Variants in ABR observed in about 807,000 individuals in gnomAD.
ABR encodes ABR activator of RhoGEF and GTPase.
In ABR, 35 loss-of-function variants were observed where a neutral mutation model predicts 107.2. That is an observed-to-expected ratio of 0.33 (90% CI 0.25 to 0.43). ABR has a LOEUF of 0.43. ABR is among the 20% of genes least tolerant of loss of function. The probability of loss-of-function intolerance (pLI) is 1.00; values close to 1 mark genes in which losing one functional copy is unlikely to be tolerated. For synonymous variants in ABR, 498 were observed against 462.0 expected (o/e 1.08, Z -1.00); for missense variants, 815 against 1,115.2 (o/e 0.73, Z 3.83).
intron 10 of ABR, among the ~76,000 whole-genome samples, chr17:1,066,129 T>G (rs1034214697): frequency 6.6e-6 from 1 of 152,188 alleles, no homozygotes; most frequent in Non-Finnish European, 1.5e-5. Context: ...TCCACCATCC[T>G]CAGCCTCCCA....
chr17:1,112,627 G>GGAA (rs2038744476), intron 2 of ABR, among the ~76,000 whole-genome samples: 1 of 152,008 alleles, frequency 6.6e-6, no homozygotes, highest in African/African-American at 2.4e-5. Context: ...AAGGAAGGAA[G>GGAA]GAAGAGAGGA....
upstream of ABR, among the ~76,000 whole-genome samples, chr17:1,188,804 C>T (rs2042370097): frequency 6.6e-6 from 1 of 152,110 alleles, no homozygotes; most frequent in Non-Finnish European, 1.5e-5. Flanking sequence ...CCTTCATAAA[C>T]GTAGGGGTGG....
At chr17:1,156,773 A>G (rs1598002566) in intron 1 of ABR, among the ~76,000 whole-genome samples, 2 of 152,158 alleles carry the variant, frequency 1.3e-5, no homozygotes, top group African/African-American at 4.8e-5. Flanking sequence ...TACTATCCCC[A>G]TTTCATAGAG....
In ABR at chr17:1,202,889, C is replaced by CTTTTT. The variant is rs11403936; in HGVS notation, c.838+25899_838+25903dup. Among the ~76,000 whole-genome samples, 80 of 145,242 alleles carry CTTTTT rather than the reference C, an allele frequency of 5.5e-4. 1 individual carries two copies. Among genetic ancestry groups the CTTTTT allele is most frequent in the Non-Finnish European group, 8.0e-4 (53 of 66,550 alleles). ...AAAGTAATTGCTGTTTTTGCCATTA[C>CTTTTT]TTTTTTTTTTTTTTTAAGATGGAGT... On this transcript the variant is annotated intron_variant, in intron 1 of 22. Transcript: ENST00000574139.
chr17:1,101,805 C>T (rs923935706), intron 2 of ABR, among the ~76,000 whole-genome samples: 14 of 151,416 alleles, frequency 9.2e-5, no homozygotes, highest in African/African-American at 3.2e-4. Flanking sequence ...GCGATCTCGG[C>T]TCACTGCAAG....
In ABR at chr17:1,029,816, G is replaced by A. The variant is rs61694093; in HGVS notation, c.1792-16652C>T. 6.7e-3 allele frequency among the ~76,000 whole-genome samples: 295 copies of A among 43,972 alleles called. 1 individual carries two copies. Among genetic ancestry groups the A allele is most frequent in the African/African-American group, 0.024 (284 of 11,952 alleles). The allele number at this position is 43,972 out of a possible 152,430, so 28.8% of individuals were successfully genotyped here. On this transcript the variant is annotated intron_variant, in intron 16 of 22. Coordinates refer to ENST00000302538, the MANE Select transcript of ABR (RefSeq NM_021962.5). Reference sequence around the variant, plus strand: ...CCTCCGTCCACCACAGCGCTGACCCGTGTCCACGACACGGACACACTGTGG... The same window carrying A: ...CCTCCGTCCACCACAGCGCTGACCCATGTCCACGACACGGACACACTGTGG...
intron 16 of ABR, among the ~76,000 whole-genome samples, chr17:1,030,064 T>C (rs972392552): frequency 2.0e-5 from 3 of 152,202 alleles, no homozygotes; most frequent in African/African-American, 7.2e-5. Flanking sequence ...AGCAGCTCAA[T>C]AGCCCGGCGT....
chr17:1,017,149 A>G (rs1436556155), intron 16 of ABR, among the ~76,000 whole-genome samples: 1 of 152,038 alleles, frequency 6.6e-6, no homozygotes, highest in African/African-American at 2.4e-5. Flanking sequence ...GCACCTCTTC[A>G]CACACGGGAA....
At position 1,013,923 on chromosome 17, in the gene ABR, C is replaced by T. The variant is rs908632327; in HGVS notation, c.1792-759G>A. 4.6e-5 allele frequency among the ~76,000 whole-genome samples: 7 copies of T among 152,336 alleles called. 1 individual carries two copies. The highest frequency in any genetic ancestry group is 3.9e-4 in the East Asian group (2 of 5,184). ...TCTGTAACTCGGGGGCCTTCGCGCC[C>T]GTCTGCCTGTGCACCTGCGAACTAA... On this transcript the variant is annotated intron_variant, in intron 16 of 22. Coordinates refer to ENST00000302538, the MANE Select transcript of ABR (RefSeq NM_021962.5).
At position 1,013,087 on chromosome 17, in the gene ABR, T is replaced by C; in HGVS notation, c.1851+18A>G. ...ACCTCCCGGCTCACGCCACTGATCA[T>C]TCCCATCCCCGGCTCACCCCGTTCA... On this transcript the variant is annotated intron_variant, in intron 17 of 22. Coordinates refer to ENST00000302538, the MANE Select transcript of ABR (RefSeq NM_021962.5). 6.2e-7 allele frequency: 1 copy of C among 1,613,656 alleles called. No individual in the cohort carries two copies. Among genetic ancestry groups the C allele is most frequent in the Non-Finnish European group, 8.5e-7 (1 of 1,179,678 alleles).
intron 1 of ABR, among the ~76,000 whole-genome samples, chr17:1,165,284 T>C (rs1331756439): frequency 6.6e-6 from 1 of 152,122 alleles, no homozygotes; most frequent in Non-Finnish European, 1.5e-5. Flanking sequence ...GGAGGAGCCA[T>C]TTTCTCCCGG....
intron 2 of ABR, among the ~76,000 whole-genome samples, chr17:1,109,889 C>T (rs2038560172): frequency 7.9e-6 from 1 of 126,890 alleles, no homozygotes; most frequent in Non-Finnish European, 1.7e-5. Context: ...CCCCCACTCA[C>T]GGACGCTACT....
chr17:1,145,099 G>C (rs1005080866), intron 1 of ABR, among the ~76,000 whole-genome samples: 2 of 152,286 alleles, frequency 1.3e-5, no homozygotes, highest in Admixed American at 1.3e-4. Context: ...GAGTTCGTTT[G>C]GGTTATCGGT....
intron 1 of ABR, among the ~76,000 whole-genome samples, chr17:1,144,093 A>G (rs1392350697): frequency 6.6e-6 from 1 of 152,066 alleles, no homozygotes; most frequent in African/African-American, 2.4e-5. Context: ...TACTCTTTGC[A>G]CCAAGGCCAT....
At chr17:1,140,628 G>A (rs755663666) in intron 1 of ABR, among the ~76,000 whole-genome samples, 8 of 152,042 alleles carry the variant, frequency 5.3e-5, no homozygotes, top group Non-Finnish European at 1.0e-4. Context: ...TGTCACCCAG[G>A]CTGGAGTGCA....
chr17:1,095,354 C>T (rs933917421), intron 3 of ABR, among the ~76,000 whole-genome samples: 20 of 152,216 alleles, frequency 1.3e-4, no homozygotes, highest in Non-Finnish European at 2.1e-4. Flanking sequence ...TCTCATGACA[C>T]GATGGGGACC....
At chr17:1,163,051 G>A (rs547920495) in intron 1 of ABR, among the ~76,000 whole-genome samples, 10 of 152,290 alleles carry the variant, frequency 6.6e-5, no homozygotes, top group South Asian at 2.1e-4. Flanking sequence ...CAGCCTGGGC[G>A]ACAGAGCGAG....
intron 6 of ABR, among the ~76,000 whole-genome samples, chr17:1,075,707 T>C (rs187221017): frequency 3.0e-4 from 46 of 152,236 alleles, no homozygotes; most frequent in Non-Finnish European, 6.0e-4. Context: ...AACCACTGCT[T>C]TATGTTTTAT....
chr17:1,095,639 C>T (rs945163035), intron 3 of ABR, among the ~76,000 whole-genome samples: 1 of 152,308 alleles, frequency 6.6e-6, no homozygotes, highest in Middle Eastern at 3.4e-3. Flanking sequence ...TTTCACCACT[C>T]GAGTTCTCGG....
Sources: gnomAD v4.1 joint callset for allele counts (sites outside exome capture counted in the v4.1 genomes callset) on GRCh38, gnomAD v4.1.1 for gene constraint, MANE v1.5 for transcripts, NCBI Gene and HGNC (gene_info 2026-07-23, HGNC 2026-07-21) for gene names.